Variants in TGM4 observed in about 807,000 individuals in gnomAD.
The protein encoded by TGM4 is transglutaminase 4.
TGM4 carries 61 observed loss-of-function variants against 76.3 expected under a neutral mutation model. The ratio of observed to expected loss-of-function variants is 0.80; its 90% CI spans 0.65 to 0.99. The LOEUF is 0.99. Among genes scored for constraint, TGM4 ranks in the 50% least tolerant of loss-of-function variants. The probability of loss-of-function intolerance (pLI) is 0.00; values close to 1 mark genes in which losing one functional copy is unlikely to be tolerated. For missense variants in TGM4, 794 were observed against 843.2 expected, an observed-to-expected ratio of 0.94 and a Z score of 0.72; for synonymous variants, 337 against 329.8, an observed-to-expected ratio of 1.02 and a Z score of -0.24.
intron 1 of TGM4, among the ~76,000 whole-genome samples, chr3:44,878,184 A>G (rs1699474610): frequency 6.6e-6 from 1 of 151,814 alleles, no homozygotes; most frequent in Admixed American, 6.6e-5. Flanking sequence ...GAAAATAATA[A>G]CAAGATCTAC....
At chr3:44,912,212 C>A (rs571648950) in intron 13 of TGM4, among the ~76,000 whole-genome samples, 1 of 152,328 alleles carries the variant, frequency 6.6e-6, no homozygotes, top group South Asian at 2.1e-4. Flanking sequence ...ATTTTTCAAT[C>A]TTTTCCTTTA....
intron 1 of TGM4, among the ~76,000 whole-genome samples, chr3:44,875,797 C>T (rs751360586): frequency 5.3e-5 from 8 of 152,146 alleles, no homozygotes; most frequent in Non-Finnish European, 7.3e-5. Flanking sequence ...GGTGACATTG[C>T]GAAATAAATC....
intron 6 of TGM4, among the ~76,000 whole-genome samples, chr3:44,897,678 G>A (rs974780979): frequency 1.3e-5 from 2 of 152,040 alleles, no homozygotes; most frequent in African/African-American, 4.8e-5. Flanking sequence ...CAAATAAGTT[G>A]TATTTATATG....
chr3:44,899,289 A>G (rs1034763618), intron 6 of TGM4: 4 of 152,208 alleles, frequency 2.6e-5, no homozygotes, highest in Non-Finnish European at 4.4e-5. Flanking sequence ...TGCACAGTGA[A>G]GTGGTGGTTG....
intron 1 of TGM4, among the ~76,000 whole-genome samples, chr3:44,878,848 T>C (rs1044832173): frequency 6.6e-6 from 1 of 152,182 alleles, no homozygotes; most frequent in Admixed American, 6.5e-5. Flanking sequence ...CTCATTCATT[T>C]TGGAAAGTTT....
intron 10 of TGM4, 109 bp downstream of exon 10, chr3:44,907,309 CCAAAA>C (rs1559620249): frequency 5.3e-5 from 42 of 789,554 alleles, no homozygotes; most frequent in South Asian, 2.6e-4. Flanking sequence ...CCCATCCCTA[CCAAAA>C]AAAAAAAAAA....
At chr3:44,890,562 C>A in intron 3 of TGM4, 41 bp from the exon 4 acceptor site, 1 of 1,606,604 alleles carries the variant, frequency 6.2e-7, no homozygotes, top group South Asian at 1.1e-5. Flanking sequence ...TGGGATCTGG[C>A]CAGAGGGGGA....
chr3:44,893,810 C>T, intron 5 of TGM4, 115 bp downstream of exon 5: 2 of 939,536 alleles, frequency 2.1e-6, no homozygotes, highest in East Asian at 2.4e-5. Flanking sequence ...GGGTCAAACG[C>T]CAGCCTCATA....
At chr3:44,911,770 G>C (rs1329642005) in intron 13 of TGM4, among the ~76,000 whole-genome samples, 3 of 152,172 alleles carry the variant, frequency 2.0e-5, no homozygotes, top group African/African-American at 4.8e-5. Flanking sequence ...TCTTTACACA[G>C]TAGAGTGTTA....
chr3:44,905,825 T>G (rs1184304564), intron 9 of TGM4, among the ~76,000 whole-genome samples: 8 of 103,548 alleles, frequency 7.7e-5, no homozygotes, highest in Non-Finnish European at 5.7e-5. Context: ...GCAGGTGATA[T>G]GCCCACACCC....
In TGM4 at chr3:44,906,194, G is replaced by A. The variant is rs147671650; in HGVS notation, c.1076-755G>A. On this transcript the variant is annotated intron_variant, in intron 9 of 13. Transcript: ENST00000296125. ...GGTTTGGCTGCCTTAAAGAGGCAAGGGAGAGGAGCCTGTGTGTTGAGGATT... is the reference window on the plus strand; with the variant it reads ...GGTTTGGCTGCCTTAAAGAGGCAAGAGAGAGGAGCCTGTGTGTTGAGGATT... Among the ~76,000 whole-genome samples, 13 of 152,308 alleles carry A rather than the reference G, an allele frequency of 8.5e-5. No individual in the cohort carries two copies. In the South Asian group the frequency reaches 1.2e-3, roughly 15 times the overall value.
At position 44,896,728 on chromosome 3, in the gene TGM4, A is replaced by ATTTCC; in HGVS notation, c.569_570insTTTCC (p.Cys191PhefsTer8). On this transcript the variant is annotated frameshift_variant, in exon 6 of 14. Coordinates refer to ENST00000296125, the MANE Select transcript of TGM4 (RefSeq NM_003241.4). LOFTEE classifies it high-confidence loss of function. ...AAATAGTTTGAGAAAAATGTCCTGGACTGCTGCATTTCCCTGCTGACTGAG... is the reference window on the plus strand; with the variant it reads ...AAATAGTTTGAGAAAAATGTCCTGGATTTCCCTGCTGCATTTCCCTGCTGACTGAG... The ATTTCC allele has an allele frequency of 6.2e-7, 1 of 1,614,146 alleles. No individual in the cohort carries two copies. The highest frequency in any genetic ancestry group is 8.5e-7 in the Non-Finnish European group (1 of 1,180,018).
intron 6 of TGM4, among the ~76,000 whole-genome samples, chr3:44,898,416 C>T (rs1279854542): frequency 3.3e-5 from 5 of 152,222 alleles, no homozygotes; most frequent in Admixed American, 1.3e-4. Flanking sequence ...TCTGAAACCA[C>T]GATTTTTCAT....
intron 4 of TGM4, 49 bp downstream of exon 4, chr3:44,890,781 A>G: frequency 6.2e-7 from 1 of 1,605,864 alleles, no homozygotes; most frequent in Non-Finnish European, 8.5e-7. Flanking sequence ...ACCCCGGCAA[A>G]ACCTGCTATG....
At chr3:44,883,835 A>G (rs921138952) in intron 1 of TGM4, among the ~76,000 whole-genome samples, 4 of 151,806 alleles carry the variant, frequency 2.6e-5, no homozygotes, top group African/African-American at 9.7e-5. Flanking sequence ...GGGCGTGACC[A>G]CTCCACCTAT....
At chr3:44,892,131 A>T (rs1190417330) in intron 4 of TGM4, among the ~76,000 whole-genome samples, 1 of 149,790 alleles carries the variant, frequency 6.7e-6, no homozygotes, top group East Asian at 2.0e-4. Flanking sequence ...GGTGGCATGC[A>T]CCTGTAATCC....
intron 3 of TGM4, 58 bp downstream of exon 3, chr3:44,887,853 TG>T: frequency 1.4e-6 from 2 of 1,476,936 alleles, no homozygotes; most frequent in Non-Finnish European, 1.9e-6. Flanking sequence ...ATGCTCCTAA[TG>T]TGAGCAGCCC....
At chr3:44,902,884 C>T (rs540343186) in intron 8 of TGM4, among the ~76,000 whole-genome samples, 22 of 151,956 alleles carry the variant, frequency 1.4e-4, no homozygotes, top group African/African-American at 4.6e-4. Context: ...AGGGAGTAGA[C>T]GAGGTGGGAA....
chr3:44,913,274 C>T (rs1401087253), intron 13 of TGM4, among the ~76,000 whole-genome samples: 2 of 152,202 alleles, frequency 1.3e-5, no homozygotes, highest in East Asian at 3.8e-4. Context: ...TAATAGATGA[C>T]TGTTGCTAAT....
Sources: allele counts gnomAD v4.1 joint callset (sites outside exome capture counted in the v4.1 genomes callset), GRCh38; gene constraint gnomAD v4.1.1; transcripts MANE v1.5; gene names NCBI Gene and HGNC (gene_info 2026-07-23, HGNC 2026-07-21).